The following DLG5 variants were observed in gnomAD, a reference collection of about 807,000 sequenced individuals.
The protein encoded by DLG5 is discs large MAGUK scaffold protein 5, also known as disks large homolog 5.
In DLG5, 48 loss-of-function variants were observed where a neutral mutation model predicts 189.8. The observed-to-expected ratio is 0.25, with a 90% CI of 0.20 to 0.32. DLG5 has a LOEUF of 0.32. Among genes scored for constraint, DLG5 ranks in the 10% least tolerant of loss-of-function variants. The pLI is 1.00. For synonymous variants in DLG5, 1,016 were observed against 1,054.1 expected, an observed-to-expected ratio of 0.96 and a Z score of 0.70; for missense variants, 2,160 against 2,544.7, an observed-to-expected ratio of 0.85 and a Z score of 3.25.
At chr10:77,848,438 C>A (rs1843798154) in intron 5 of DLG5, among the ~76,000 whole-genome samples, 1 of 151,974 alleles carries the variant, frequency 6.6e-6, no homozygotes, top group Non-Finnish European at 1.5e-5. Flanking sequence ...AGAGGTTTCC[C>A]AAATAGATTA....
chr10:77,913,405 A>G (rs1205258516), intron 1 of DLG5, among the ~76,000 whole-genome samples: 2 of 152,212 alleles, frequency 1.3e-5, no homozygotes, highest in Non-Finnish European at 2.9e-5. Context: ...CTTTGAGACA[A>G]GCAAAACTGA....
intron 1 of DLG5, among the ~76,000 whole-genome samples, chr10:77,878,966 T>A (rs553884058): frequency 6.6e-6 from 1 of 152,128 alleles, no homozygotes; most frequent in South Asian, 2.1e-4. Flanking sequence ...AAACGCTGGG[T>A]TAATGCTGGG....
chr10:77,803,360 T>C (rs1438940010), intron 27 of DLG5, among the ~76,000 whole-genome samples: 2 of 152,246 alleles, frequency 1.3e-5, no homozygotes, highest in Non-Finnish European at 2.9e-5. Flanking sequence ...CATTGCTGTA[T>C]GTATGTTACA....
At chr10:77,882,209 A>G (rs1845302594) in intron 1 of DLG5, among the ~76,000 whole-genome samples, 1 of 152,316 alleles carries the variant, frequency 6.6e-6, no homozygotes, top group South Asian at 2.1e-4. Context: ...TACTGTGGAA[A>G]GGGCCCAGGA....
chr10:77,867,788 C>T (rs1052822609), intron 2 of DLG5: 15 of 369,440 alleles, frequency 4.1e-5, no homozygotes, highest in African/African-American at 1.7e-4. Context: ...AGGGGAGTCC[C>T]GAGAGGGACA....
chr10:77,804,120 T>C (rs1215622698), intron 27 of DLG5, among the ~76,000 whole-genome samples: 1 of 152,060 alleles, frequency 6.6e-6, no homozygotes, highest in Non-Finnish European at 1.5e-5. Context: ...TTGAACTCCC[T>C]GCCTCAAGTG....
rs1225064914 is a variant in DLG5, at chr10:77,856,727, T to C, written c.536+3A>G. 2 of 1,611,972 alleles carry C rather than the reference T, an allele frequency of 1.2e-6. No homozygotes were observed. Among genetic ancestry groups the C allele is most frequent in the African/African-American group, 1.3e-5 (1 of 74,870 alleles). On this transcript the variant is annotated splice_donor_region_variant and intron_variant, in intron 3 of 31. Coordinates refer to ENST00000372391, the MANE Select transcript of DLG5 (RefSeq NM_004747.4). The stretch of plus-strand genomic sequence containing the variant: ...TGGGCAGGGGAGACGGCGCAATTAC[T>C]ACCTCTTGTCAAAGGCCGTGCCATG...
intron 27 of DLG5, among the ~76,000 whole-genome samples, chr10:77,803,301 G>A (rs1012378975): frequency 6.6e-6 from 1 of 152,240 alleles, no homozygotes; most frequent in Non-Finnish European, 1.5e-5. Context: ...GGGGTGTTCA[G>A]ATTGTGGAAA....
intron 1 of DLG5, chr10:77,869,415 T>C: frequency 1.9e-6 from 1 of 523,396 alleles, no homozygotes; most frequent in Non-Finnish European, 3.4e-6. Flanking sequence ...CCTCCTGCTC[T>C]GGGCAGGCGG....
intron 2 of DLG5, among the ~76,000 whole-genome samples, chr10:77,864,104 C>T (rs1384879324): frequency 1.3e-5 from 2 of 152,170 alleles, no homozygotes; most frequent in Non-Finnish European, 2.9e-5. Context: ...TTCAGTTGCC[C>T]TGGCTGCTAT....
At chr10:77,805,233 G>A (rs1416943881) in intron 27 of DLG5, among the ~76,000 whole-genome samples, 1 of 152,214 alleles carries the variant, frequency 6.6e-6, no homozygotes, top group African/African-American at 2.4e-5. Context: ...GCCTCCCAAA[G>A]TGCTGGGATT....
chr10:77,888,284 C>T (rs1190278015), intron 1 of DLG5, among the ~76,000 whole-genome samples: 2 of 152,168 alleles, frequency 1.3e-5, no homozygotes, highest in African/African-American at 4.8e-5. Flanking sequence ...GCCTGGCCTC[C>T]TCCTGGGCAG....
rs554975013 is a variant in DLG5, at chr10:77,821,803, G to A, written c.2681C>T (p.Ser894Phe). 1.2e-6 allele frequency: 2 copies of A among 1,612,638 alleles called. No homozygotes were observed. Among genetic ancestry groups the A allele is most frequent in the East Asian group, 2.2e-5 (1 of 44,834 alleles). ...GTCCCCAGAGGCATCTGAGCGGAAGGAGCTCAGGCTACGCTCAGAGGCACT... is the reference window on the plus strand; with the variant it reads ...GTCCCCAGAGGCATCTGAGCGGAAGAAGCTCAGGCTACGCTCAGAGGCACT... ...CPSASERSLS[S>F]FRSDASGDRG... is the part of the protein sequence containing the mutation. Residue 894 changes from serine to phenylalanine, a missense_variant, in exon 15 of 32, where the codon TCC becomes TTC. Around this residue, in one of 5 missense-constraint regions of DLG5, gnomAD observed 754 missense variants for 746.5 expected, o/e 1.01. Coordinates refer to ENST00000372391, the MANE Select transcript of DLG5 (RefSeq NM_004747.4).
At chr10:77,808,317 A>T (rs1841581477) in intron 24 of DLG5, among the ~76,000 whole-genome samples, 1 of 152,170 alleles carries the variant, frequency 6.6e-6, no homozygotes, top group Non-Finnish European at 1.5e-5. Flanking sequence ...ACACAGACTG[A>T]GTGCAGTGGT....
At chr10:77,926,896 GA>G, upstream of DLG5, 1 of 345,202 alleles carries the variant, frequency 2.9e-6, no homozygotes. This position sits in a 1 kb window ranked among gnomAD's most constrained non-coding sequence, Gnocchi z 5.2. Context: ...CGCCCCGCGA[GA>G]AAACTCGCCC....
Position 77,828,873 on chromosome 10 carries a change from G to A in DLG5, c.2289+9C>T, listed in dbSNP as rs915349605. ...GGCAGATGACCCTGGCTCCAGCCTTGAGACTTACCGCAACGATCCTGTCTC... is the reference window on the plus strand; with the variant it reads ...GGCAGATGACCCTGGCTCCAGCCTTAAGACTTACCGCAACGATCCTGTCTC... On this transcript the variant is annotated intron_variant, in intron 13 of 31. Coordinates refer to ENST00000372391, the MANE Select transcript of DLG5 (RefSeq NM_004747.4). 5 of 1,613,672 alleles carry A rather than the reference G, an allele frequency of 3.1e-6. No individual in the cohort carries two copies. The highest frequency in any genetic ancestry group is 4.2e-6 in the Non-Finnish European group (5 of 1,179,792).
chr10:77,875,969 G>A (rs961669295), intron 1 of DLG5, among the ~76,000 whole-genome samples: 6 of 152,080 alleles, frequency 3.9e-5, no homozygotes, highest in Non-Finnish European at 7.4e-5. Context: ...GGAGGTATAG[G>A]TTGACCATGG....
rs1846681835 is a variant in DLG5 at position 77,926,106 on chromosome 10, A to C, written c.304+111T>G. The C allele has an allele frequency of 1.7e-6, 2 of 1,170,792 alleles. No homozygotes were observed. Among genetic ancestry groups the C allele is most frequent in the African/African-American group, 3.2e-5 (2 of 62,194 alleles). 72.5% of individuals were successfully genotyped at this position (1,170,792 alleles called of 1,614,324 possible). ...CCAACTGGGCCAGAGGAGCGAGTCC[A>C]CCGAGGCCATCGCCAGGTGGAGCGG... On this transcript the variant is annotated intron_variant, in intron 1 of 31. Coordinates refer to ENST00000372391, the MANE Select transcript of DLG5 (RefSeq NM_004747.4). The surrounding 1 kb of genome is among the most constrained non-coding windows in gnomAD (Gnocchi z 5.2).
chr10:77,905,716 C>T (rs1192307073), intron 1 of DLG5, among the ~76,000 whole-genome samples: 1 of 152,168 alleles, frequency 6.6e-6, no homozygotes, highest in Non-Finnish European at 1.5e-5. Flanking sequence ...CAGCCAAGAC[C>T]CTCCCCTCAA....
Sources: gnomAD v4.1 joint callset for allele counts (sites outside exome capture counted in the v4.1 genomes callset) on GRCh38, gnomAD v4.1.1 for gene constraint, gnomAD v4.1.1 regional missense constraint, Gnocchi (gnomAD v3.1) non-coding constraint, MANE v1.5 for transcripts, NCBI Gene and HGNC (gene_info 2026-07-23, HGNC 2026-07-21) for gene names.